RHOJ: variants seen among roughly 807,000 people sequenced by gnomAD.
RHOJ encodes ras homolog family member J.
In RHOJ, 11 loss-of-function variants were observed where a neutral mutation model predicts 23.4. That is an observed-to-expected ratio of 0.47 (90% confidence interval 0.30 to 0.78). The LOEUF is 0.78. Ranked by LOEUF, RHOJ falls within the 30% of genes least tolerant of loss-of-function variation. RHOJ has a pLI of 0.08. For synonymous variants in RHOJ, 102 were observed against 102.7 expected (o/e 0.99, Z 0.04); for missense variants, 254 against 273.4 (o/e 0.93, Z 0.50).
At chr14:63,268,040 G>A (rs974744730) in intron 1 of RHOJ, among the ~76,000 whole-genome samples, 7 of 152,162 alleles carry the variant, frequency 4.6e-5, no homozygotes, top group African/African-American at 1.7e-4. Context: ...TAGAGAATTT[G>A]GCTGTTAGAG....
At chr14:63,212,083 T>C (rs1016697543) in intron 1 of RHOJ, among the ~76,000 whole-genome samples, 1 of 152,188 alleles carries the variant, frequency 6.6e-6, no homozygotes, top group Non-Finnish European at 1.5e-5. Flanking sequence ...GCTTCTCACA[T>C]CTGGTAACTC....
At position 63,230,860 on chromosome 14, in the gene RHOJ, A is replaced by G. The variant is rs1007646265; in HGVS notation, c.178+25813A>G. Among the ~76,000 whole-genome samples, 59 of 57,368 alleles carry G rather than the reference A, an allele frequency of 1.0e-3. 1 individual carries two copies. The African/African-American group carries it at 0.011, about 10-fold the overall frequency. The allele number at this position is 57,368 out of a possible 152,430, so 37.6% of individuals were successfully genotyped here. On this transcript the variant is annotated intron_variant, in intron 1 of 4. Transcript: ENST00000316754. ...ACAAGGCTTTTTTTTTTTTTTTTTT[A>G]GATGGAGTCTCACTCTGTCGCCCAG...
intron 2 of RHOJ, among the ~76,000 whole-genome samples, chr14:63,276,268 G>T (rs1881716980): frequency 6.6e-6 from 1 of 152,196 alleles, no homozygotes; most frequent in Non-Finnish European, 1.5e-5. Flanking sequence ...AAGCTCCCAG[G>T]TGATGCCCAT....
intron 1 of RHOJ, among the ~76,000 whole-genome samples, chr14:63,232,770 C>T (rs1347746797): frequency 6.8e-6 from 1 of 146,248 alleles, no homozygotes; most frequent in Non-Finnish European, 1.5e-5. Context: ...GATCTCAGCT[C>T]ACTGCAACCT....
chr14:63,247,780 G>A (rs142826273), intron 1 of RHOJ, among the ~76,000 whole-genome samples: 8 of 152,198 alleles, frequency 5.3e-5, no homozygotes, highest in Non-Finnish European at 1.2e-4. Flanking sequence ...CTGTTTTCAT[G>A]CTGCTAATAA....
intron 1 of RHOJ, among the ~76,000 whole-genome samples, chr14:63,261,740 C>T (rs963843085): frequency 6.6e-6 from 1 of 152,094 alleles, no homozygotes; most frequent in Non-Finnish European, 1.5e-5. Context: ...TGCACTTAGC[C>T]TAACATTGCT....
intron 2 of RHOJ, among the ~76,000 whole-genome samples, chr14:63,280,334 T>C (rs532523195): frequency 6.6e-6 from 1 of 152,310 alleles, no homozygotes; most frequent in African/African-American, 2.4e-5. Context: ...AGGTGAACTT[T>C]TGAATACATA....
chr14:63,259,609 A>G (rs1296685863), intron 1 of RHOJ, among the ~76,000 whole-genome samples: 2 of 152,242 alleles, frequency 1.3e-5, no homozygotes, highest in African/African-American at 2.4e-5. Flanking sequence ...ACTTAATAAT[A>G]AAGGTAACAG....
chr14:63,288,833 C>A (rs563043035), intron 4 of RHOJ, among the ~76,000 whole-genome samples: 2 of 152,238 alleles, frequency 1.3e-5, no homozygotes, highest in Non-Finnish European at 2.9e-5. Flanking sequence ...TGTCTGGGCC[C>A]AACCAAAACC....
intron 1 of RHOJ, among the ~76,000 whole-genome samples, chr14:63,211,368 C>T (rs1389313423): frequency 3.3e-5 from 5 of 152,244 alleles, no homozygotes; most frequent in Middle Eastern, 3.4e-3. Flanking sequence ...GGGAAGCCAA[C>T]GCACAAGGAT....
rs1249443427 is a variant in RHOJ at position 63,225,680 on chromosome 14, CA to C, written c.178+20640del. ...CTCTAACGTATTTTGAAAAGGATGC[CA>C]AAAAAACAACAGAATTCACAGAAGA... On this transcript the variant is annotated intron_variant, in intron 1 of 4. Coordinates refer to ENST00000316754, the MANE Select transcript of RHOJ (RefSeq NM_020663.5). Among the ~76,000 whole-genome samples the C allele has an allele frequency of 5.3e-5, 8 of 151,860 alleles. No individual in the cohort carries two copies. In the East Asian group the frequency reaches 1.4e-3, roughly 26 times the overall value.
chr14:63,236,205 C>A (rs1894786716), intron 1 of RHOJ, among the ~76,000 whole-genome samples: 1 of 152,156 alleles, frequency 6.6e-6, no homozygotes, highest in Non-Finnish European at 1.5e-5. Context: ...TGACATAGTA[C>A]CTTTTCTTGG....
chr14:63,232,431 C>A (rs1301156331), intron 1 of RHOJ, among the ~76,000 whole-genome samples: 1 of 152,110 alleles, frequency 6.6e-6, no homozygotes, highest in Non-Finnish European at 1.5e-5. Flanking sequence ...ACAAGGAAAA[C>A]AAGCACAGTC....
At chr14:63,235,457 G>T (rs1894772184) in intron 1 of RHOJ, among the ~76,000 whole-genome samples, 1 of 152,144 alleles carries the variant, frequency 6.6e-6, no homozygotes, top group Non-Finnish European at 1.5e-5. Flanking sequence ...ATTCTTAAGA[G>T]ATGCTGCTAA....
chr14:63,274,771 C>T (rs1370143315), intron 2 of RHOJ, among the ~76,000 whole-genome samples: 1 of 152,182 alleles, frequency 6.6e-6, no homozygotes, highest in Non-Finnish European at 1.5e-5. Context: ...ACACCATAGT[C>T]ACAAACCCAG....
chr14:63,221,916 T>C (rs1341165943), intron 1 of RHOJ, among the ~76,000 whole-genome samples: 4 of 151,956 alleles, frequency 2.6e-5, no homozygotes, highest in African/African-American at 9.7e-5. Flanking sequence ...GATGGGGTGC[T>C]GCACCCATTA....
At chr14:63,274,819 G>GC (rs1881666735) in intron 2 of RHOJ, among the ~76,000 whole-genome samples, 1 of 152,156 alleles carries the variant, frequency 6.6e-6, no homozygotes, top group Non-Finnish European at 1.5e-5. Context: ...TAAGCACCAT[G>GC]CTATGCACGC....
At position 63,258,450 on chromosome 14, in the gene RHOJ, AT is replaced by A. The variant is rs34417949; in HGVS notation, c.179-10659del. On this transcript the variant is annotated intron_variant, in intron 1 of 4. Coordinates refer to ENST00000316754, the MANE Select transcript of RHOJ (RefSeq NM_020663.5). ...CAAATAACCCCTTGAACTGTTTAAA[AT>A]ATATATATATATATAGTATTATAAA... Among the ~76,000 whole-genome samples the A allele has an allele frequency of 3.0e-4, 24 of 81,290 alleles. No individual in the cohort carries two copies. The African/African-American group carries it at 4.8e-3, about 16-fold the overall frequency. 53.3% of individuals were successfully genotyped at this position (81,290 alleles called of 152,430 possible).
chr14:63,267,006 C>T (rs1182535446), intron 1 of RHOJ, among the ~76,000 whole-genome samples: 2 of 152,214 alleles, frequency 1.3e-5, no homozygotes, highest in Non-Finnish European at 2.9e-5. Context: ...TCATGCCACA[C>T]TGCACAGTGC....
Sources: allele counts gnomAD v4.1 joint callset (sites outside exome capture counted in the v4.1 genomes callset), GRCh38; gene constraint gnomAD v4.1.1; transcripts MANE v1.5; gene names NCBI Gene and HGNC (gene_info 2026-07-23, HGNC 2026-07-21).